CACNB2: variants seen among roughly 807,000 people sequenced by gnomAD.
CACNB2 encodes calcium voltage-gated channel auxiliary subunit beta 2.
In CACNB2, 42 loss-of-function variants were observed where a neutral mutation model predicts 73.3. That is an observed-to-expected ratio of 0.57 (90% confidence interval 0.45 to 0.74). The LOEUF is 0.74. CACNB2 is among the 30% of genes least tolerant of loss of function. The probability of loss-of-function intolerance (pLI) is 0.00; values close to 1 mark genes in which losing one functional copy is unlikely to be tolerated. For missense variants in CACNB2, 940 were observed against 853.0 expected, an observed-to-expected ratio of 1.10 and a Z score of -1.27; for synonymous variants, 348 against 310.3, an observed-to-expected ratio of 1.12 and a Z score of -1.28.
intron 3 of CACNB2, among the ~76,000 whole-genome samples, chr10:18,443,160 G>C (rs74121219): frequency 6.6e-6 from 1 of 151,510 alleles, no homozygotes; most frequent in South Asian, 2.1e-4. Context: ...TTTTAAGGGT[G>C]TGAGATATGC....
At chr10:18,412,614 T>C (rs2132642106) in intron 3 of CACNB2, among the ~76,000 whole-genome samples, 1 of 152,340 alleles carries the variant, frequency 6.6e-6, no homozygotes, top group South Asian at 2.1e-4. Context: ...CTTCAATTTG[T>C]TTTTCTTCTC....
chr10:18,428,868 C>A (rs758720878), intron 3 of CACNB2, among the ~76,000 whole-genome samples: 30 of 152,148 alleles, frequency 2.0e-4, no homozygotes, highest in Non-Finnish European at 4.0e-4. Context: ...GCATTTAAGG[C>A]TGATAACTCC....
intron 3 of CACNB2, among the ~76,000 whole-genome samples, chr10:18,465,789 C>T (rs2047849217): frequency 6.6e-6 from 1 of 151,000 alleles, no homozygotes; most frequent in Admixed American, 6.6e-5. Flanking sequence ...TCAAGTAGTT[C>T]TCCTGCCTCA....
At chr10:18,505,002 T>C (rs1486119190) in intron 5 of CACNB2, among the ~76,000 whole-genome samples, 1 of 152,146 alleles carries the variant, frequency 6.6e-6, no homozygotes, top group Non-Finnish European at 1.5e-5. Flanking sequence ...TCCGGCAGTC[T>C]TTAAAAACTC....
chr10:18,439,675 G>A (rs1319745728), intron 3 of CACNB2, among the ~76,000 whole-genome samples: 5 of 152,108 alleles, frequency 3.3e-5, no homozygotes, highest in African/African-American at 1.2e-4. Context: ...TTAAAGTTTG[G>A]TTGTTTATGC....
At chr10:18,195,568 A>T (rs1335183304) in intron 2 of CACNB2, among the ~76,000 whole-genome samples, 1 of 152,226 alleles carries the variant, frequency 6.6e-6, no homozygotes, top group Non-Finnish European at 1.5e-5. Context: ...AGCGTGGATT[A>T]TGAGCTCCTG....
chr10:18,170,149 A>C (rs1379336739), intron 2 of CACNB2, among the ~76,000 whole-genome samples: 1 of 152,230 alleles, frequency 6.6e-6, no homozygotes, highest in Non-Finnish European at 1.5e-5. Flanking sequence ...GGCCCAAGCC[A>C]TAAGTTCACT....
intron 2 of CACNB2, among the ~76,000 whole-genome samples, chr10:18,208,159 A>G (rs2035171503): frequency 6.6e-6 from 1 of 152,194 alleles, no homozygotes; most frequent in South Asian, 2.1e-4. Flanking sequence ...TTAGCCATTT[A>G]GAAGGAGCTT....
rs982363540 is a variant in CACNB2, at chr10:18,350,972, A to G, written c.214-50952A>G. Among the ~76,000 whole-genome samples the G allele has an allele frequency of 3.9e-5, 6 of 152,180 alleles. No individual in the cohort carries two copies. In the East Asian group the frequency reaches 1.2e-3, roughly 29 times the overall value. On this transcript the variant is annotated intron_variant, in intron 2 of 13. Transcript: ENST00000324631. ...CTCTAAACAAGTAACTTTTCTTAACATAGTTTTCAATCTTCTAGAATGATC... is the reference window on the plus strand; with the variant it reads ...CTCTAAACAAGTAACTTTTCTTAACGTAGTTTTCAATCTTCTAGAATGATC...
intron 2 of CACNB2, among the ~76,000 whole-genome samples, chr10:18,259,189 A>G (rs1291112677): frequency 1.3e-5 from 2 of 152,184 alleles, no homozygotes; most frequent in Non-Finnish European, 2.9e-5. Flanking sequence ...TCAGTTAAAT[A>G]AGGAGATTAA....
At chr10:18,187,783 GA>G (rs2034218915) in intron 2 of CACNB2, among the ~76,000 whole-genome samples, 1 of 152,156 alleles carries the variant, frequency 6.6e-6, no homozygotes, top group African/African-American at 2.4e-5. Context: ...TTTTCGATAT[GA>G]CACGCTCAGA....
At chr10:18,344,287 A>G (rs2041356242) in intron 2 of CACNB2, among the ~76,000 whole-genome samples, 2 of 152,148 alleles carry the variant, frequency 1.3e-5, no homozygotes, top group Non-Finnish European at 2.9e-5. Context: ...ACTTTGCCCC[A>G]TAAAACGATC....
At chr10:18,524,862 T>TGA (rs1287189859) in intron 9 of CACNB2, among the ~76,000 whole-genome samples, 1 of 117,414 alleles carries the variant, frequency 8.5e-6, no homozygotes, top group Non-Finnish European at 1.8e-5. Context: ...CTGTTTCTAC[T>TGA]AAAAAAAAAA....
chr10:18,495,172 G>A (rs760786852), intron 3 of CACNB2, among the ~76,000 whole-genome samples: 15 of 151,410 alleles, frequency 9.9e-5, no homozygotes, highest in Non-Finnish European at 2.1e-4. Context: ...GAATAATGTT[G>A]TGAACCTAAG....
intron 2 of CACNB2, among the ~76,000 whole-genome samples, chr10:18,316,140 A>G (rs1199811465): frequency 6.6e-6 from 1 of 152,080 alleles, no homozygotes; most frequent in Non-Finnish European, 1.5e-5. Context: ...GTGTGTGTGT[A>G]ATTTACATTT....
At position 18,424,241 on chromosome 10, in the gene CACNB2, C is replaced by G. The variant is rs1052290925; in HGVS notation, c.333+22198C>G. On this transcript the variant is annotated intron_variant, in intron 3 of 13. Coordinates refer to ENST00000324631, the MANE Select transcript of CACNB2 (RefSeq NM_201596.3). ...CCAGAGGGAGAGGAAAACAGCTTTA[C>G]TGAAGAAGTGTTACAGCTCCTCTAC... Among the ~76,000 whole-genome samples the G allele has an allele frequency of 3.9e-5, 6 of 152,288 alleles. No individual in the cohort carries two copies. The East Asian group carries it at 1.2e-3, about 29-fold the overall frequency.
chr10:18,419,635 G>C (rs1040556248), intron 3 of CACNB2, among the ~76,000 whole-genome samples: 86 of 152,260 alleles, frequency 5.6e-4, no homozygotes, highest in African/African-American at 2.0e-3. Context: ...CCCCAAGAGC[G>C]GGTTCTTGAA....
chr10:18,141,270 C>A, intron 1 of CACNB2: 2 of 1,383,652 alleles, frequency 1.4e-6, no homozygotes, highest in Non-Finnish European at 2.0e-6. Context: ...TCTACGATGC[C>A]GACTCTCCTG....
At position 18,454,784 on chromosome 10, in the gene CACNB2, A is replaced by G. The variant is rs185452697; in HGVS notation, c.334-43571A>G. Among the ~76,000 whole-genome samples the G allele has an allele frequency of 4.6e-5, 7 of 152,298 alleles. No homozygotes were observed. In the East Asian group the frequency reaches 1.4e-3, roughly 29 times the overall value. ...ATGGATACTGTGGCTCACGCCTGCA[A>G]TCTCAGTATTTTGGGAGGCCAAGGC... On this transcript the variant is annotated intron_variant, in intron 3 of 13. Transcript: ENST00000324631.
Sources: gnomAD v4.1 joint callset for allele counts (sites outside exome capture counted in the v4.1 genomes callset) on GRCh38, gnomAD v4.1.1 for gene constraint, MANE v1.5 for transcripts, NCBI Gene and HGNC (gene_info 2026-07-23, HGNC 2026-07-21) for gene names.